Variants in KIF26B observed in about 807,000 individuals in gnomAD.
KIF26B encodes kinesin family member 26B, also known as kinesin-like protein KIF26B.
KIF26B carries 63 observed loss-of-function variants against 151.2 expected under a neutral mutation model. That is an observed-to-expected ratio of 0.42 (90% CI 0.34 to 0.51). The LOEUF (loss-of-function observed/expected upper bound fraction) is 0.51. Among genes scored for constraint, KIF26B ranks in the 20% least tolerant of loss-of-function variants. The probability of loss-of-function intolerance (pLI) is 0.07; values close to 1 mark genes in which losing one functional copy is unlikely to be tolerated. For synonymous variants in KIF26B, 1,357 were observed against 1,262.1 expected, an observed-to-expected ratio of 1.08 and a Z score of -1.59; for missense variants, 2,813 against 2,913.6, an observed-to-expected ratio of 0.97 and a Z score of 0.79.
chr1:245,678,858 G>A (rs915275215), intron 10 of KIF26B, among the ~76,000 whole-genome samples: 1 of 133,836 alleles, frequency 7.5e-6, no homozygotes, highest in Non-Finnish European at 1.7e-5. Flanking sequence ...GCAAGACTTC[G>A]TCTCAAAAAA....
intron 2 of KIF26B, among the ~76,000 whole-genome samples, chr1:245,314,624 C>T (rs567697116): frequency 6.6e-6 from 1 of 152,220 alleles, no homozygotes; most frequent in Non-Finnish European, 1.5e-5. Context: ...CGTCTCCTGG[C>T]TCACCCTCAC....
rs186486830 is a variant in KIF26B, at chr1:245,594,426, A to C, written c.1351-8151A>C. 1.1e-3 allele frequency among the ~76,000 whole-genome samples: 163 copies of C among 152,238 alleles called. 2 individuals carry two copies. Among genetic ancestry groups the C allele is most frequent in the African/African-American group, 3.7e-3 (153 of 41,580 alleles). On this transcript the variant is annotated intron_variant, in intron 5 of 14. Coordinates refer to ENST00000407071, the MANE Select transcript of KIF26B (RefSeq NM_018012.4). ...CCCAACACCATTTATTAAATAGGGAATCCTTTCCCCATTGCTTGTTTTGTC... is the reference window on the plus strand; with the variant it reads ...CCCAACACCATTTATTAAATAGGGACTCCTTTCCCCATTGCTTGTTTTGTC...
At chr1:245,581,961 GAAAT>G (rs1230540183) in intron 5 of KIF26B, among the ~76,000 whole-genome samples, 7 of 151,370 alleles carry the variant, frequency 4.6e-5, no homozygotes, top group African/African-American at 1.2e-4. Context: ...AGGAAGGAAG[GAAAT>G]AAATAAGCAA....
intron 9 of KIF26B, among the ~76,000 whole-genome samples, chr1:245,629,381 A>C (rs547112724): frequency 6.6e-6 from 1 of 152,320 alleles, no homozygotes; most frequent in Non-Finnish European, 1.5e-5. Context: ...ACAACATGGT[A>C]CTGGTACCAA....
chr1:245,595,844 G>A (rs946757824), intron 5 of KIF26B, among the ~76,000 whole-genome samples: 7 of 152,154 alleles, frequency 4.6e-5, no homozygotes, highest in Admixed American at 6.5e-5. Flanking sequence ...TTCAGAACTA[G>A]ATATTGATCT....
chr1:245,466,027 G>T (rs911860287), intron 4 of KIF26B, among the ~76,000 whole-genome samples: 1 of 152,204 alleles, frequency 6.6e-6, no homozygotes, highest in African/African-American at 2.4e-5. Context: ...CATAGAAGGC[G>T]CACAGTACGA....
chr1:245,608,651 T>C (rs969573402), intron 7 of KIF26B, among the ~76,000 whole-genome samples: 1 of 152,192 alleles, frequency 6.6e-6, no homozygotes, highest in Admixed American at 6.5e-5. Context: ...AGCCCAGCCT[T>C]CCCACTGTGT....
At chr1:245,474,410 T>C (rs1167883010) in intron 4 of KIF26B, among the ~76,000 whole-genome samples, 2 of 142,428 alleles carry the variant, frequency 1.4e-5, no homozygotes, top group Non-Finnish European at 3.1e-5. Flanking sequence ...TCCTGGCTTT[T>C]TTTTGTTGTT....
chr1:245,686,978 A>G lies in KIF26B; in HGVS notation c.3995A>G (p.Lys1332Arg), dbSNP rs1266623954. 1 of 1,613,622 alleles carries G rather than the reference A, an allele frequency of 6.2e-7. No individual in the cohort carries two copies. Among genetic ancestry groups the G allele is most frequent in the Non-Finnish European group, 8.5e-7 (1 of 1,179,844 alleles). The change falls in exon 12 of 15, where the codon AAG becomes AGG. Residue 1332 changes from lysine (K) to arginine (R), a missense_variant. Physicochemically the swap from Lys to Arg is conservative, Grantham distance 26. Transcript: ENST00000407071. The surrounding 1 kb of genome is among the most constrained non-coding windows in gnomAD (Gnocchi z 5.6). ...AACACCGCTGTGGTGTGCAGAGAGA[A>G]GCCCAAGGCCAGCCCCGACAACTTG... ...LQNTAVVCRE[K>R]PKASPDNLLI...
intron 9 of KIF26B, among the ~76,000 whole-genome samples, chr1:245,627,313 T>G (rs2043733875): frequency 6.6e-6 from 1 of 152,168 alleles, no homozygotes; most frequent in African/African-American, 2.4e-5. Context: ...GGATGGTCAT[T>G]TTAACAATGT....
At chr1:245,423,754 A>C (rs1008147282) in intron 4 of KIF26B, among the ~76,000 whole-genome samples, 1 of 152,202 alleles carries the variant, frequency 6.6e-6, no homozygotes, top group African/African-American at 2.4e-5. Flanking sequence ...GTTGGTGTTC[A>C]TCTCCATATA....
At chr1:245,234,033 A>C (rs902355466) in intron 2 of KIF26B, among the ~76,000 whole-genome samples, 2 of 151,808 alleles carry the variant, frequency 1.3e-5, no homozygotes, top group African/African-American at 4.8e-5. Flanking sequence ...AAAATACAAA[A>C]ATTAGCTGGG....
chr1:245,561,340 C>T (rs982709200), intron 5 of KIF26B, among the ~76,000 whole-genome samples: 1 of 152,130 alleles, frequency 6.6e-6, no homozygotes, highest in Middle Eastern at 3.2e-3. Flanking sequence ...GTGTACCTCC[C>T]CTCTTCCCTG....
intron 9 of KIF26B, among the ~76,000 whole-genome samples, chr1:245,635,625 A>AT (rs147220147): frequency 7.4e-5 from 11 of 149,062 alleles, no homozygotes; most frequent in African/African-American, 2.0e-4. Context: ...GATTTCTGCT[A>AT]TTTTTTTTCC....
chr1:245,215,864 T>C (rs28391263), intron 2 of KIF26B, among the ~76,000 whole-genome samples: 1 of 152,026 alleles, frequency 6.6e-6, no homozygotes, highest in African/African-American at 2.4e-5. Flanking sequence ...CTGTTTAGAG[T>C]GGTATAATGT....
intron 10 of KIF26B, among the ~76,000 whole-genome samples, chr1:245,678,734 A>ACG: frequency 6.6e-6 from 1 of 152,096 alleles, no homozygotes; most frequent in South Asian, 2.1e-4. Flanking sequence ...GTGGTGGTGC[A>ACG]TGCCTGTAGT....
At chr1:245,559,559 A>C (rs570695816) in intron 5 of KIF26B, among the ~76,000 whole-genome samples, 11 of 151,986 alleles carry the variant, frequency 7.2e-5, no homozygotes, top group South Asian at 2.1e-4. Context: ...AGACAGGCGC[A>C]CGCCCCCACA....
chr1:245,430,850 A>G (rs1658760319), intron 4 of KIF26B, among the ~76,000 whole-genome samples: 1 of 152,198 alleles, frequency 6.6e-6, no homozygotes, highest in Non-Finnish European at 1.5e-5. Flanking sequence ...CCAAGTCCAC[A>G]CAACTAGTAG....
At position 245,512,741 on chromosome 1, in the gene KIF26B, T is replaced by G. The variant is rs1183124108; in HGVS notation, c.1167-28026T>G. 1.3e-5 allele frequency among the ~76,000 whole-genome samples: 2 copies of G among 152,086 alleles called. No homozygotes were observed. The highest frequency in any genetic ancestry group is 2.9e-5 in the Non-Finnish European group (2 of 68,018). On this transcript the variant is annotated intron_variant, in intron 4 of 14. Coordinates refer to ENST00000407071, the MANE Select transcript of KIF26B (RefSeq NM_018012.4). This position sits in a 1 kb window ranked among gnomAD's most constrained non-coding sequence, Gnocchi z 4.3. ...TGTGAGCGCCTCTCTGCACATAAAG[T>G]GGTTGTATCACAAGGGGAAAGCTTT...
Sources: allele counts gnomAD v4.1 joint callset (sites outside exome capture counted in the v4.1 genomes callset), GRCh38; gene constraint gnomAD v4.1.1; non-coding constraint Gnocchi (gnomAD v3.1); transcripts MANE v1.5; gene names NCBI Gene and HGNC (gene_info 2026-07-23, HGNC 2026-07-21).